The following N4BP2L2 variants were observed in gnomAD, a reference collection of about 807,000 sequenced individuals.
N4BP2L2 encodes NEDD4 binding protein 2 like 2.
In N4BP2L2, 50 loss-of-function variants were observed where a neutral mutation model predicts 56.2. That is an observed-to-expected ratio of 0.89 (90% CI 0.71 to 1.13). The LOEUF (loss-of-function observed/expected upper bound fraction) is 1.13, where lower values mean the gene tolerates loss of function less well. Among genes scored for constraint, N4BP2L2 ranks in the 50% most tolerant of loss-of-function variants. The pLI, the probability that N4BP2L2 is intolerant of heterozygous loss-of-function variation, is 0.00. For synonymous variants in N4BP2L2, 203 were observed against 223.6 expected, an observed-to-expected ratio of 0.91 and a Z score of 0.82; for missense variants, 689 against 693.8, an observed-to-expected ratio of 0.99 and a Z score of 0.08.
intron 6 of N4BP2L2, among the ~76,000 whole-genome samples, chr13:32,447,935 G>A (rs1295531430): frequency 1.3e-5 from 2 of 152,132 alleles, no homozygotes; most frequent in East Asian, 3.8e-4. Context: ...ATCAGAGTTT[G>A]GGAGATCAGG....
chr13:32,481,696 G>A (rs2084782902), intron 6 of N4BP2L2, among the ~76,000 whole-genome samples: 1 of 152,144 alleles, frequency 6.6e-6, no homozygotes, highest in South Asian at 2.1e-4. Context: ...ATAAGATTAT[G>A]GCTTTAATTC....
At chr13:32,536,113 G>T (rs570226409) in exon 2 of N4BP2L2, 14 of 1,614,066 alleles carry the variant, frequency 8.7e-6, no homozygotes, top group Non-Finnish European at 1.2e-5. Context: ...CTTGGGCTTG[G>T]AAAATATTTG....
At chr13:32,443,195 C>G (rs1340297857) in exon 7 of N4BP2L2, 1 of 1,613,742 alleles carries the variant, frequency 6.2e-7, no homozygotes, top group African/African-American at 1.3e-5. Context: ...GGTGAAAAAT[C>G]TTCATTTCCT....
intron 6 of N4BP2L2, among the ~76,000 whole-genome samples, chr13:32,500,717 CA>C (rs200056832): frequency 0.09 from 11,843 of 132,004 alleles, 547 homozygotes; most frequent in East Asian, 0.22. Flanking sequence ...AACCGTGTCT[CA>C]AAAAAAAAAA....
chr13:32,443,115 T>C (rs1181534208), exon 7 of N4BP2L2: 1 of 1,612,384 alleles, frequency 6.2e-7, no homozygotes, highest in South Asian at 1.1e-5. Context: ...CATTCTTTGG[T>C]ATATCCGGTT....
intron 6 of N4BP2L2, among the ~76,000 whole-genome samples, chr13:32,462,358 A>G (rs2080272810): frequency 6.6e-6 from 1 of 152,182 alleles, no homozygotes; most frequent in Non-Finnish European, 1.5e-5. Flanking sequence ...CAAGTATCAC[A>G]TGTTCTCATT....
intron 2 of N4BP2L2, among the ~76,000 whole-genome samples, chr13:32,529,283 C>A (rs1479179034): frequency 6.6e-6 from 1 of 152,086 alleles, no homozygotes; most frequent in East Asian, 1.9e-4. Flanking sequence ...CATTAAAATG[C>A]CAATTAAAAA....
At chr13:32,473,539 A>T (rs1209303433) in intron 6 of N4BP2L2, among the ~76,000 whole-genome samples, 1 of 152,202 alleles carries the variant, frequency 6.6e-6, no homozygotes, top group African/African-American at 2.4e-5. Flanking sequence ...AAAATCATAC[A>T]AGTTTATTAT....
At chr13:32,517,787 C>G in exon 6 of N4BP2L2, 1 of 1,611,348 alleles carries the variant, frequency 6.2e-7, no homozygotes. Context: ...AATGTGTTAG[C>G]TGAAAATAGC....
chr13:32,484,345 A>C (rs1321993043), intron 6 of N4BP2L2, among the ~76,000 whole-genome samples: 1 of 152,184 alleles, frequency 6.6e-6, no homozygotes, highest in Non-Finnish European at 1.5e-5. Context: ...AATACATAAA[A>C]AATAAATTAA....
intron 6 of N4BP2L2, among the ~76,000 whole-genome samples, chr13:32,501,505 A>T (rs1158250373): frequency 2.0e-5 from 3 of 152,020 alleles, no homozygotes; most frequent in African/African-American, 7.2e-5. Flanking sequence ...AATCATACCA[A>T]ATTTGCCAGT....
chr13:32,513,925 T>G (rs927541705), exon 6 of N4BP2L2: 1 of 152,164 alleles, frequency 6.6e-6, no homozygotes, highest in Non-Finnish European at 1.5e-5. Context: ...ATTTTCTTTA[T>G]AAATAGTTAG....
Position 32,446,058 on chromosome 13 carries a change from G to A in N4BP2L2, c.366-1932C>T, listed in dbSNP as rs555344607. On this transcript the variant is annotated intron_variant, in intron 6 of 9. Coordinates refer to the N4BP2L2 transcript ENST00000357505. ...ACCTGGAAGAAGAAAGAGATGATGC[G>A]GAAAAGAGAATAGTCAGTTGATTGG... Among the ~76,000 whole-genome samples the A allele has an allele frequency of 1.6e-4, 25 of 152,198 alleles. 1 individual carries two copies. The South Asian group carries it at 4.8e-3, about 29-fold the overall frequency.
rs745377371 is a variant in N4BP2L2, at chr13:32,455,578, G to A, written c.366-11452C>T. ...GGTCCCTCAGCTGTCCCAAACCCCC[G>A]CACTCTCAACACTTTTGCAACCACC... On this transcript the variant is annotated intron_variant, in intron 6 of 9. Transcript: ENST00000357505. Among the ~76,000 whole-genome samples the A allele has an allele frequency of 3.4e-4, 51 of 152,214 alleles. 1 individual carries two copies. The highest frequency in any genetic ancestry group is 6.6e-4 in the Non-Finnish European group (45 of 68,002).
At chr13:32,505,665 G>A (rs1440102382), downstream of N4BP2L2, 1 of 152,144 alleles carries the variant, frequency 6.6e-6, no homozygotes, top group Non-Finnish European at 1.5e-5. Flanking sequence ...TTGGCTATTT[G>A]CCACATTATA....
intron 6 of N4BP2L2, among the ~76,000 whole-genome samples, chr13:32,469,177 A>G (rs533949183): frequency 6.6e-6 from 1 of 152,230 alleles, no homozygotes; most frequent in East Asian, 1.9e-4. Flanking sequence ...TGAACCTGAC[A>G]TTTGGTGTAG....
chr13:32,515,009 G>C (rs2048891094), exon 6 of N4BP2L2: 1 of 152,418 alleles, frequency 6.6e-6, no homozygotes, highest in Non-Finnish European at 1.5e-5. Flanking sequence ...ATGGTGGCGA[G>C]TGCCTCTAAT....
intron 6 of N4BP2L2, among the ~76,000 whole-genome samples, chr13:32,482,339 G>A (rs1307394202): frequency 1.3e-5 from 2 of 152,064 alleles, no homozygotes; most frequent in African/African-American, 2.4e-5. Flanking sequence ...CATACCTAGC[G>A]TGATTATAAT....
chr13:32,476,668 C>A (rs1372297536), intron 6 of N4BP2L2, among the ~76,000 whole-genome samples: 1 of 151,904 alleles, frequency 6.6e-6, no homozygotes, highest in Non-Finnish European at 1.5e-5. Flanking sequence ...TAGCTCATAG[C>A]AAAAAATAAC....
Sources: allele counts gnomAD v4.1 joint callset (sites outside exome capture counted in the v4.1 genomes callset), GRCh38; gene constraint gnomAD v4.1.1; transcripts MANE v1.5; gene names NCBI Gene and HGNC (gene_info 2026-07-23, HGNC 2026-07-21).